Variants in SYN3 observed in about 807,000 individuals in gnomAD.
SYN3 encodes synapsin III, also known as synapsin-3.
A neutral mutation model predicts 65.8 loss-of-function variants in SYN3; 35 were observed. The ratio of observed to expected loss-of-function variants is 0.53; its 90% CI spans 0.41 to 0.70. The LOEUF (loss-of-function observed/expected upper bound fraction) is 0.70. SYN3 is among the 30% of genes least tolerant of loss of function. The pLI, the probability that SYN3 is intolerant of heterozygous loss-of-function variation, is 0.00. For missense variants in SYN3, 680 were observed against 749.0 expected (o/e 0.91, Z 1.08); for synonymous variants, 270 against 292.9 (o/e 0.92, Z 0.80).
chr22:32,653,628 G>C (rs1197634295), intron 6 of SYN3, among the ~76,000 whole-genome samples: 1 of 151,820 alleles, frequency 6.6e-6, no homozygotes, highest in Non-Finnish European at 1.5e-5. Context: ...CCAGCTTCCA[G>C]TCAGAAGATG....
chr22:32,800,423 T>C (rs559101246), intron 6 of SYN3, among the ~76,000 whole-genome samples: 1 of 152,280 alleles, frequency 6.6e-6, no homozygotes, highest in African/African-American at 2.4e-5. Flanking sequence ...CCACCAATCA[T>C]CCCATCTTTC....
intron 12 of SYN3, 129 bp from the exon 13 acceptor site, chr22:32,518,463 G>A (rs145282947): frequency 1.6e-4 from 170 of 1,086,948 alleles, no homozygotes; most frequent in South Asian, 2.7e-5. Flanking sequence ...ACTGAAAACC[G>A]TATAAATACC....
At chr22:32,983,453 A>G (rs1343915178) in intron 2 of SYN3, among the ~76,000 whole-genome samples, 1 of 152,148 alleles carries the variant, frequency 6.6e-6, no homozygotes, top group Non-Finnish European at 1.5e-5. Context: ...AAGTCTCTCT[A>G]CCTACTCTTA....
intron 1 of SYN3, among the ~76,000 whole-genome samples, chr22:33,041,829 C>T (rs1231215310): frequency 6.6e-6 from 1 of 152,098 alleles, no homozygotes; most frequent in Non-Finnish European, 1.5e-5. Context: ...TATTAGCTTG[C>T]TCAGGAAGCC....
chr22:32,657,819 G>C (rs2060163736), intron 6 of SYN3, among the ~76,000 whole-genome samples: 1 of 152,192 alleles, frequency 6.6e-6, no homozygotes, highest in African/African-American at 2.4e-5. Flanking sequence ...CAGCCCCCCA[G>C]TGGAGAATGG....
At position 32,881,211 on chromosome 22, in the gene SYN3, G is replaced by A. The variant is rs117441296; in HGVS notation, c.462-12086C>T. On this transcript the variant is annotated intron_variant, in intron 4 of 13. Transcript: ENST00000358763. The stretch of plus-strand genomic sequence containing the variant: ...CGGCAGCGGCTGGAACGGATGCTGG[G>A]GCAGTGGAGTGGAGGAGAGAGGAGT... Among the ~76,000 whole-genome samples, 1,038 of 152,346 alleles carry A rather than the reference G, an allele frequency of 6.8e-3. 6 individuals are homozygous for A. Among genetic ancestry groups the A allele is most frequent in the East Asian group, 0.025 (128 of 5,176 alleles).
intron 6 of SYN3, among the ~76,000 whole-genome samples, chr22:32,644,457 CG>C (rs1379881103): frequency 1.3e-5 from 2 of 152,086 alleles, no homozygotes; most frequent in African/African-American, 4.8e-5. Context: ...TGTCCTGCCA[CG>C]TGAGTGTCAG....
intron 6 of SYN3, among the ~76,000 whole-genome samples, chr22:32,772,454 A>G (rs1362306938): frequency 1.3e-5 from 2 of 151,948 alleles, no homozygotes; most frequent in African/African-American, 4.8e-5. Context: ...GTCCTTCCAG[A>G]ACAAGGGTCA....
chr22:32,964,320 A>C (rs1282712178), intron 3 of SYN3, among the ~76,000 whole-genome samples: 1 of 150,952 alleles, frequency 6.6e-6, no homozygotes, highest in Middle Eastern at 3.4e-3. Context: ...TAACATGTTA[A>C]ATGACGAGTT....
At position 33,006,409 on chromosome 22, in the gene SYN3, G is replaced by A. The variant is rs376715828; in HGVS notation, c.254C>T (p.Thr85Met). 2.4e-5 allele frequency: 39 copies of A among 1,614,078 alleles called. No homozygotes were observed. The East Asian group carries it at 2.7e-4, about 11-fold the overall frequency. Reference protein sequence around the residue: ...SGLMEPPGPSTPIVQRPRILL... With the variant: ...SGLMEPPGPSMPIVQRPRILL... ...GATCCTGGGTCTTTGAACAATGGGCGTGGAGGGACCTGGAGGCTCCATCAG... is the reference window on the plus strand; with the variant it reads ...GATCCTGGGTCTTTGAACAATGGGCATGGAGGGACCTGGAGGCTCCATCAG... Residue 85 changes from threonine to methionine, a missense_variant, in exon 2 of 14, where the codon ACG (threonine) becomes ATG (methionine). Transcript: ENST00000358763.
In SYN3 at chr22:32,864,961, T is replaced by G. The variant is rs1272574894; in HGVS notation, c.665A>C (p.Lys222Thr). The G allele has an allele frequency of 6.2e-7, 1 of 1,614,038 alleles. No homozygotes were observed. Among genetic ancestry groups the G allele is most frequent in the African/African-American group, 1.3e-5 (1 of 74,936 alleles). The change falls in exon 6 of 14, where the codon AAG becomes ACG. Residue 222 changes from lysine to threonine, a missense_variant. Physicochemically the swap from Lys to Thr is moderately conservative, Grantham distance 78. Coordinates refer to ENST00000358763, the MANE Select transcript of SYN3 (RefSeq NM_003490.4). ...AAATGTTTGCTCCACAAGCGGGAAC[T>G]TCTCAGGACCCAGGGAATGGAAGAT... ...IKIFHSLGPEKFPLVEQTFFP... is the reference protein window; with the variant it reads ...IKIFHSLGPETFPLVEQTFFP...
intron 6 of SYN3, among the ~76,000 whole-genome samples, chr22:32,757,611 CT>C (rs1194299584): frequency 6.6e-6 from 1 of 152,134 alleles, no homozygotes; most frequent in Non-Finnish European, 1.5e-5. Flanking sequence ...CTCCTCCTAC[CT>C]TTAAGTCCAC....
intron 6 of SYN3, among the ~76,000 whole-genome samples, chr22:32,650,358 C>G (rs1445579075): frequency 6.6e-6 from 1 of 151,256 alleles, no homozygotes; most frequent in Non-Finnish European, 1.5e-5. Context: ...CCTCTGCCTC[C>G]CAGACTCAAG....
intron 2 of SYN3, among the ~76,000 whole-genome samples, chr22:32,994,673 T>A (rs1172943064): frequency 2.0e-5 from 3 of 152,070 alleles, no homozygotes; most frequent in African/African-American, 7.2e-5. Flanking sequence ...GGGACTGACT[T>A]GGAGTCGGCA....
intron 4 of SYN3, among the ~76,000 whole-genome samples, chr22:32,927,390 T>C (rs1411690743): frequency 1.3e-5 from 2 of 149,078 alleles, no homozygotes; most frequent in Admixed American, 1.3e-4. Context: ...TCAGCCTCCC[T>C]GAGTAGCTGG....
At chr22:32,955,815 T>G (rs1358289706) in intron 3 of SYN3, among the ~76,000 whole-genome samples, 4 of 151,976 alleles carry the variant, frequency 2.6e-5, no homozygotes, top group African/African-American at 9.7e-5. Flanking sequence ...CACCATCTAA[T>G]CAGCTGCCAG....
chr22:32,780,992 C>CCT (rs1555958594), intron 6 of SYN3, among the ~76,000 whole-genome samples: 2 of 73,406 alleles, frequency 2.7e-5, no homozygotes, highest in African/African-American at 5.2e-5. Flanking sequence ...CTTCCTTCCT[C>CCT]TCTCTCACCC....
At chr22:32,976,707 C>T (rs1569371078) in intron 3 of SYN3, among the ~76,000 whole-genome samples, 1 of 152,174 alleles carries the variant, frequency 6.6e-6, no homozygotes, top group Non-Finnish European at 1.5e-5. Context: ...TGTGCTGTCT[C>T]CTCCACGGGC....
At chr22:32,753,952 T>C (rs1367041578) in intron 6 of SYN3, among the ~76,000 whole-genome samples, 1 of 152,246 alleles carries the variant, frequency 6.6e-6, no homozygotes, top group Non-Finnish European at 1.5e-5. Context: ...TGAGAATACG[T>C]AGGCAGCACA....
Sources: allele counts gnomAD v4.1 joint callset (sites outside exome capture counted in the v4.1 genomes callset), GRCh38; gene constraint gnomAD v4.1.1; transcripts MANE v1.5; gene names NCBI Gene and HGNC (gene_info 2026-07-23, HGNC 2026-07-21).